Variants in ITGBL1 observed in about 807,000 individuals in gnomAD.
ITGBL1 encodes the protein integrin subunit beta like 1, also known as integrin beta-like protein 1.
Under a neutral mutation model 68.5 loss-of-function variants are expected in ITGBL1, and 51 were observed. The observed-to-expected ratio is 0.74, with a 90% CI of 0.59 to 0.94. The LOEUF (loss-of-function observed/expected upper bound fraction) is 0.94. Among genes scored for constraint, ITGBL1 ranks in the 40% least tolerant of loss-of-function variants. The pLI, the probability that ITGBL1 is intolerant of heterozygous loss-of-function variation, is 0.00. For missense variants in ITGBL1, 649 were observed against 647.4 expected (o/e 1.00, Z -0.03); for synonymous variants, 209 against 227.3 (o/e 0.92, Z 0.72).
At chr13:101,511,329 C>T (rs185883103) in intron 2 of ITGBL1, among the ~76,000 whole-genome samples, 1 of 152,162 alleles carries the variant, frequency 6.6e-6, no homozygotes, top group African/African-American at 2.4e-5. Flanking sequence ...AGTACTGTGG[C>T]ACACACCCCT....
chr13:101,686,543 G>A (rs1320971300), intron 7 of ITGBL1, among the ~76,000 whole-genome samples: 4 of 151,160 alleles, frequency 2.6e-5, no homozygotes, highest in African/African-American at 4.9e-5. Flanking sequence ...CAATCTAATA[G>A]CATTAAAATG....
intron 7 of ITGBL1, among the ~76,000 whole-genome samples, chr13:101,656,053 G>C (rs113259207): frequency 6.6e-6 from 1 of 152,074 alleles, no homozygotes; most frequent in Non-Finnish European, 1.5e-5. Context: ...TCAAAACGAG[G>C]TGGGGGAGGG....
chr13:101,485,763 G>T (rs1482220749), intron 2 of ITGBL1, among the ~76,000 whole-genome samples: 1 of 152,150 alleles, frequency 6.6e-6, no homozygotes, highest in Non-Finnish European at 1.5e-5. Context: ...CTGTACTCCA[G>T]CCTGGTCAAC....
intron 2 of ITGBL1, among the ~76,000 whole-genome samples, chr13:101,455,716 T>A (rs898013161): frequency 6.6e-6 from 1 of 152,214 alleles, no homozygotes; most frequent in Non-Finnish European, 1.5e-5. Context: ...AACTTGTTAT[T>A]TAACTTCGCA....
At chr13:101,650,075 G>A (rs1375449337) in intron 7 of ITGBL1, among the ~76,000 whole-genome samples, 1 of 151,948 alleles carries the variant, frequency 6.6e-6, no homozygotes, top group Non-Finnish European at 1.5e-5. Flanking sequence ...GATAATTAGC[G>A]TTTTTTTCTG....
intron 7 of ITGBL1, among the ~76,000 whole-genome samples, chr13:101,639,776 A>G (rs941295322): frequency 1.3e-5 from 2 of 152,152 alleles, no homozygotes; most frequent in Non-Finnish European, 2.9e-5. Flanking sequence ...TTCTCCTCTA[A>G]AATGCTTTAA....
intron 7 of ITGBL1, among the ~76,000 whole-genome samples, chr13:101,616,249 G>A (rs567002299): frequency 9.1e-4 from 138 of 152,210 alleles, no homozygotes; most frequent in Admixed American, 2.7e-3. Flanking sequence ...ATCCCATCAC[G>A]AAGCACAGAA....
intron 8 of ITGBL1, among the ~76,000 whole-genome samples, chr13:101,701,191 A>G (rs2034128316): frequency 3.9e-5 from 6 of 152,186 alleles, no homozygotes; most frequent in Admixed American, 3.9e-4. Context: ...TGATTGGCTG[A>G]GCTAGATACC....
chr13:101,523,316 A>G lies in ITGBL1; in HGVS notation c.317-44383A>G, dbSNP rs140310997. Among the ~76,000 whole-genome samples the G allele has an allele frequency of 3.6e-3, 542 of 152,246 alleles. 2 individuals are homozygous for G. The highest frequency in any genetic ancestry group is 4.0e-3 in the Non-Finnish European group (271 of 68,026). ...ACACAGAAGGCTTTTCATTTTTCCC[A>G]TGACTTCCTTTTTTGGCAAACCATC... is the stretch of plus-strand genomic sequence containing the variant. On this transcript the variant is annotated intron_variant, in intron 2 of 10. Transcript: ENST00000376180.
chr13:101,584,680 G>A (rs541856367), intron 6 of ITGBL1, among the ~76,000 whole-genome samples: 3 of 152,010 alleles, frequency 2.0e-5, no homozygotes, highest in East Asian at 1.9e-4. Flanking sequence ...TTCTCTTGAG[G>A]GTATTTTTTT....
intron 3 of ITGBL1, among the ~76,000 whole-genome samples, chr13:101,571,417 G>A (rs2050270532): frequency 6.6e-6 from 1 of 151,932 alleles, no homozygotes; most frequent in African/African-American, 2.4e-5. Flanking sequence ...CTTTTAGTGT[G>A]GTTATGGTAC....
chr13:101,626,566 C>T (rs997973430), intron 7 of ITGBL1, among the ~76,000 whole-genome samples: 17 of 152,088 alleles, frequency 1.1e-4, no homozygotes, highest in African/African-American at 4.1e-4. Flanking sequence ...CTACCTTTAT[C>T]TGCATTGCTT....
At chr13:101,650,620 CTTT>C (rs55874443) in intron 7 of ITGBL1, among the ~76,000 whole-genome samples, 2 of 137,404 alleles carry the variant, frequency 1.5e-5, no homozygotes, top group Admixed American at 7.2e-5. Context: ...TCTTTTTTTT[CTTT>C]TTTTTTTTTT....
In ITGBL1 at chr13:101,544,512, T is replaced by G. The variant is rs537137148; in HGVS notation, c.317-23187T>G. 8.5e-5 allele frequency among the ~76,000 whole-genome samples: 13 copies of G among 152,306 alleles called. No homozygotes were observed. In the South Asian group the frequency reaches 2.7e-3, roughly 32 times the overall value. On this transcript the variant is annotated intron_variant, in intron 2 of 10. Coordinates refer to ENST00000376180, the MANE Select transcript of ITGBL1 (RefSeq NM_004791.3). ...GCTCCTCGGGGGTCAGGGACCCACTTGAGGAGGCAGTCTGTCTGTTCTCAG... is the reference window on the plus strand; with the variant it reads ...GCTCCTCGGGGGTCAGGGACCCACTGGAGGAGGCAGTCTGTCTGTTCTCAG...
chr13:101,575,312 A>C, intron 3 of ITGBL1, 112 bp from the exon 4 acceptor site: 1 of 1,015,666 alleles, frequency 9.8e-7, no homozygotes, highest in South Asian at 1.6e-5. Context: ...ATCTAATTGA[A>C]ATATTAAATT....
intron 2 of ITGBL1, among the ~76,000 whole-genome samples, chr13:101,463,127 G>A (rs553466322): frequency 2.6e-5 from 4 of 152,248 alleles, no homozygotes; most frequent in Non-Finnish European, 2.9e-5. Context: ...AATCACTGGA[G>A]TTATTATGCT....
At chr13:101,661,902 A>T (rs1240822000) in intron 7 of ITGBL1, among the ~76,000 whole-genome samples, 1 of 152,188 alleles carries the variant, frequency 6.6e-6, no homozygotes, top group Non-Finnish European at 1.5e-5. Flanking sequence ...TAATGCAGTG[A>T]CTCATTACAT....
chr13:101,648,699 GA>G (rs1298697724), intron 7 of ITGBL1, among the ~76,000 whole-genome samples: 1 of 151,982 alleles, frequency 6.6e-6, no homozygotes, highest in East Asian at 1.9e-4. Context: ...AAGAATATAA[GA>G]AAAAATTAGT....
intron 7 of ITGBL1, among the ~76,000 whole-genome samples, chr13:101,637,431 C>A (rs893564912): frequency 6.6e-6 from 1 of 151,182 alleles, no homozygotes; most frequent in Non-Finnish European, 1.5e-5. Flanking sequence ...GCAACCACCG[C>A]CTCCTGGGTT....
Sources: allele counts gnomAD v4.1 joint callset (sites outside exome capture counted in the v4.1 genomes callset), GRCh38; gene constraint gnomAD v4.1.1; transcripts MANE v1.5; gene names NCBI Gene and HGNC (gene_info 2026-07-23, HGNC 2026-07-21).